The following IL5RA variants were observed in gnomAD, a reference collection of about 807,000 sequenced individuals.
IL5RA encodes interleukin 5 receptor subunit alpha.
Under a neutral mutation model 50.0 loss-of-function variants are expected in IL5RA, and 49 were observed. The ratio of observed to expected loss-of-function variants is 0.98; its 90% CI spans 0.78 to 1.24. The LOEUF is 1.24. Ranked by LOEUF, IL5RA falls within the 50% of genes most tolerant of loss-of-function variation. The pLI, the probability that IL5RA is intolerant of heterozygous loss-of-function variation, is 0.00. For synonymous variants in IL5RA, 202 were observed against 174.0 expected, an observed-to-expected ratio of 1.16 and a Z score of -1.26; for missense variants, 600 against 500.4, an observed-to-expected ratio of 1.20 and a Z score of -1.90.
rs1438196873 is a variant in IL5RA, at chr3:3,067,288, C to T, written c.*2937G>A. The T allele has an allele frequency of 6.6e-6, 1 of 152,210 alleles. No individual in the cohort carries two copies. Among genetic ancestry groups the T allele is most frequent in the Non-Finnish European group, 1.5e-5 (1 of 68,076 alleles). 9.4% of individuals were successfully genotyped at this position (152,210 alleles called of 1,614,324 possible). A position where few individuals can be genotyped will look rare whatever the true frequency, so the allele number is the denominator to read the frequency against. On this transcript the variant is annotated 3_prime_UTR_variant, in exon 12 of 12. Coordinates refer to ENST00000446632, the MANE Select transcript of IL5RA (RefSeq NM_175726.4). ...AACTAACCGCATTCTCATTAGATACCCAGCTTCCTCCCCCTGTCATTATTG... is the reference window on the plus strand; with the variant it reads ...AACTAACCGCATTCTCATTAGATACTCAGCTTCCTCCCCCTGTCATTATTG...
intron 9 of IL5RA, among the ~76,000 whole-genome samples, chr3:3,088,575 CT>C (rs1047176939): frequency 6.6e-6 from 1 of 152,196 alleles, no homozygotes; most frequent in Non-Finnish European, 1.5e-5. Flanking sequence ...AGCTAAAAAC[CT>C]AGATGTCCTG....
At chr3:3,083,756 G>A (rs1702748732) in intron 9 of IL5RA, among the ~76,000 whole-genome samples, 2 of 152,128 alleles carry the variant, frequency 1.3e-5, no homozygotes, top group South Asian at 4.1e-4. Flanking sequence ...GGATAAAGAG[G>A]GTTAGTCCTA....
At chr3:3,087,476 T>C (rs905001191) in intron 9 of IL5RA, among the ~76,000 whole-genome samples, 26 of 152,224 alleles carry the variant, frequency 1.7e-4, no homozygotes, top group African/African-American at 6.0e-4. Flanking sequence ...AACCTTGGGC[T>C]ATAATGGGTT....
Position 3,095,360 on chromosome 3 carries a change from A to G in IL5RA, c.794T>C (p.Phe265Ser), listed in dbSNP as rs1387137036. The stretch of plus-strand genomic sequence containing the variant: ...TTCATAATCAAAGCAATGGATTGGA[A>G]AAGCAGACACTGGTTTCTCCCATTG... ...SIQWEKPVSAFPIHCFDYEVK... is the reference protein window; with the variant it reads ...SIQWEKPVSASPIHCFDYEVK... Residue 265 changes from phenylalanine (F) to serine (S), a missense_variant, in exon 8 of 12, where the codon TTT becomes TCT. Transcript: ENST00000446632. The G allele has an allele frequency of 6.2e-7, 1 of 1,610,056 alleles. No individual in the cohort carries two copies. The highest frequency in any genetic ancestry group is 8.5e-7 in the Non-Finnish European group (1 of 1,176,430).
Position 3,092,897 on chromosome 3 carries a change from T to C in IL5RA, c.856-535A>G, listed in dbSNP as rs1329956568. Among the ~76,000 whole-genome samples, 1 of 152,120 alleles carries C rather than the reference T, an allele frequency of 6.6e-6. No homozygotes were observed. The highest frequency in any genetic ancestry group is 1.5e-5 in the Non-Finnish European group (1 of 68,022). On this transcript the variant is annotated intron_variant, in intron 8 of 11. Transcript: ENST00000446632. The surrounding 1 kb of genome is among the most constrained non-coding windows in gnomAD (Gnocchi z 4.2). ...TACCCCCGGAGGTGTTTCTCCCTTT[T>C]TTACTCCAGCCCTGTGACCATTGCC...
chr3:3,100,419 T>C (rs1189919575), intron 5 of IL5RA, among the ~76,000 whole-genome samples: 2 of 152,244 alleles, frequency 1.3e-5, no homozygotes, highest in African/African-American at 2.4e-5. Flanking sequence ...TATATGCATA[T>C]ATTAGGTTGA....
At chr3:3,071,551 CAGTGTGTGTG>C (rs1474750334) in intron 11 of IL5RA, among the ~76,000 whole-genome samples, 37 of 126,480 alleles carry the variant, frequency 2.9e-4, no homozygotes, top group African/African-American at 1.1e-3. Context: ...TCTTCCTTCA[CAGTGTGTGTG>C]TGTGTGTGTG....
intron 3 of IL5RA, among the ~76,000 whole-genome samples, chr3:3,104,018 T>C (rs1335735962): frequency 6.6e-6 from 1 of 152,228 alleles, no homozygotes; most frequent in Non-Finnish European, 1.5e-5. Context: ...TGGCAACTTG[T>C]GGCTATTGAA....
intron 9 of IL5RA, among the ~76,000 whole-genome samples, chr3:3,090,610 G>A (rs1163726960): frequency 5.3e-5 from 7 of 131,492 alleles, no homozygotes; most frequent in East Asian, 2.1e-4. Flanking sequence ...TCTATTGCCC[G>A]GGCTGGAGTG....
intron 9 of IL5RA, among the ~76,000 whole-genome samples, chr3:3,081,082 T>G (rs1702648476): frequency 1.3e-5 from 2 of 152,218 alleles, no homozygotes; most frequent in African/African-American, 4.8e-5. Flanking sequence ...CACATTTTGT[T>G]AAATAATGGA....
chr3:3,082,646 C>T (rs1031834951), intron 9 of IL5RA, among the ~76,000 whole-genome samples: 1 of 152,148 alleles, frequency 6.6e-6, no homozygotes, highest in Non-Finnish European at 1.5e-5. Context: ...TGGAGTGGGA[C>T]ATGGGGTGCA....
Position 3,070,179 on chromosome 3 carries a change from G to C in IL5RA, c.*46C>G. The C allele has an allele frequency of 8.3e-7, 1 of 1,209,452 alleles. No individual in the cohort carries two copies. Among genetic ancestry groups the C allele is most frequent in the African/African-American group, 1.5e-5 (1 of 66,020 alleles). The allele number at this position is 1,209,452 out of a possible 1,614,324, so 74.9% of individuals were successfully genotyped here. On this transcript the variant is annotated 3_prime_UTR_variant, in exon 12 of 12. Coordinates refer to ENST00000446632, the MANE Select transcript of IL5RA (RefSeq NM_175726.4). ...CCAGCATCCCTGTTCTTTTCACTGAGGCACTGAGGCATGTGTGAGTTCATC... is the reference window on the plus strand; with the variant it reads ...CCAGCATCCCTGTTCTTTTCACTGACGCACTGAGGCATGTGTGAGTTCATC...
chr3:3,103,075 G>A, intron 3 of IL5RA: 1 of 276,052 alleles, frequency 3.6e-6, no homozygotes, highest in South Asian at 6.1e-5. Flanking sequence ...TAGAGACAGG[G>A]TTTCACCATG....
At chr3:3,104,008 T>C (rs1455456454) in intron 3 of IL5RA, among the ~76,000 whole-genome samples, 1 of 152,224 alleles carries the variant, frequency 6.6e-6, no homozygotes, top group Non-Finnish European at 1.5e-5. Flanking sequence ...CGGTAGCCAC[T>C]GGCAACTTGT....
intron 11 of IL5RA, among the ~76,000 whole-genome samples, chr3:3,072,732 C>A (rs553638295): frequency 6.6e-6 from 1 of 152,216 alleles, no homozygotes; most frequent in East Asian, 1.9e-4. Flanking sequence ...GCCAACATGG[C>A]GTAACCCTGT....
chr3:3,073,294 A>C (rs1702362497), intron 11 of IL5RA, among the ~76,000 whole-genome samples: 1 of 152,194 alleles, frequency 6.6e-6, no homozygotes, highest in African/African-American at 2.4e-5. Flanking sequence ...TCATCCAATC[A>C]TGAGTTACTT....
chr3:3,105,993 G>A (rs529008327), intron 2 of IL5RA, among the ~76,000 whole-genome samples: 2 of 152,062 alleles, frequency 1.3e-5, no homozygotes, highest in Non-Finnish European at 2.9e-5. Flanking sequence ...CTCTTACCAC[G>A]TGCTCCCCCC....
At chr3:3,084,211 T>C (rs1357927434) in intron 9 of IL5RA, among the ~76,000 whole-genome samples, 7 of 152,220 alleles carry the variant, frequency 4.6e-5, no homozygotes, top group African/African-American at 1.7e-4. Flanking sequence ...ACAGTGCTGG[T>C]ACACAGGTGC....
chr3:3,101,932 T>A, intron 4 of IL5RA, 102 bp from the exon 5 acceptor site: 1 of 1,017,794 alleles, frequency 9.8e-7, no homozygotes, highest in South Asian at 1.7e-5. Context: ...AAATGATTAG[T>A]AAGATGCAAT....
Sources: gnomAD v4.1 joint callset for allele counts (sites outside exome capture counted in the v4.1 genomes callset) on GRCh38, gnomAD v4.1.1 for gene constraint, Gnocchi (gnomAD v3.1) non-coding constraint, MANE v1.5 for transcripts, NCBI Gene and HGNC (gene_info 2026-07-23, HGNC 2026-07-21) for gene names.